Variants in ADGRV1 observed in about 807,000 individuals in gnomAD.
ADGRV1 encodes adhesion G protein-coupled receptor V1.
In ADGRV1, 359 loss-of-function variants were observed where a neutral mutation model predicts 596.2. The observed-to-expected ratio is 0.60, with a 90% confidence interval of 0.55 to 0.66. The LOEUF (loss-of-function observed/expected upper bound fraction) is 0.66, where lower values mean the gene tolerates loss of function less well. ADGRV1 is among the 30% of genes least tolerant of loss of function. The probability of loss-of-function intolerance (pLI) is 0.00; values close to 1 mark genes in which losing one functional copy is unlikely to be tolerated. For synonymous variants in ADGRV1, 2,681 were observed against 2,679.2 expected (o/e 1.00, Z -0.02); for missense variants, 7,274 against 7,575.6 (o/e 0.96, Z 1.48).
chr5:90,572,417 T>C (rs944963885), intron 1 of ADGRV1, among the ~76,000 whole-genome samples: 2 of 152,166 alleles, frequency 1.3e-5, no homozygotes, highest in African/African-American at 4.8e-5. Context: ...GAAGAATATG[T>C]CATCCATCCA....
At chr5:90,962,718 C>G (rs926090826) in intron 83 of ADGRV1, among the ~76,000 whole-genome samples, 1 of 152,144 alleles carries the variant, frequency 6.6e-6, no homozygotes, top group Non-Finnish European at 1.5e-5. Context: ...ATCTCCTGTA[C>G]AGACAGAAGC....
chr5:90,730,057 G>A (rs554708091), intron 50 of ADGRV1, among the ~76,000 whole-genome samples: 2 of 152,180 alleles, frequency 1.3e-5, no homozygotes, highest in African/African-American at 2.4e-5. Context: ...TAGTAGAGAC[G>A]GGGTTTCACC....
intron 1 of ADGRV1, among the ~76,000 whole-genome samples, chr5:90,568,064 A>G (rs183133801): frequency 1.7e-3 from 251 of 151,630 alleles, no homozygotes; most frequent in Non-Finnish European, 2.7e-3. Flanking sequence ...CAAAGAACCA[A>G]CTTTTACTTT....
chr5:90,641,489 A>T (rs1766963314), intron 11 of ADGRV1, among the ~76,000 whole-genome samples: 1 of 152,176 alleles, frequency 6.6e-6, no homozygotes, highest in African/African-American at 2.4e-5. Context: ...GGATATAAGA[A>T]ATTTTAATTA....
At chr5:91,122,370 T>TA (rs1359809251) in intron 87 of ADGRV1, among the ~76,000 whole-genome samples, 1 of 152,220 alleles carries the variant, frequency 6.6e-6, no homozygotes, top group Non-Finnish European at 1.5e-5. Context: ...ACAAGGGACT[T>TA]ACTCCTTCAG....
At chr5:90,924,373 G>A (rs1382184285) in intron 83 of ADGRV1, among the ~76,000 whole-genome samples, 1 of 151,970 alleles carries the variant, frequency 6.6e-6, no homozygotes. Context: ...GCATTTCTCT[G>A]ATGGCCAGTG....
chr5:90,812,581 G>A (rs1762537528), intron 74 of ADGRV1, among the ~76,000 whole-genome samples: 1 of 152,060 alleles, frequency 6.6e-6, no homozygotes, highest in Non-Finnish European at 1.5e-5. Flanking sequence ...ATATTTTTGA[G>A]ATTTGATGCT....
rs1479012015 is a variant in ADGRV1 at position 91,059,700 on chromosome 5, G to A, written c.18153-12747G>A. ...TCCCCATAAAGTGGATAAAATTTTA[G>A]CCTGTATTTCCTTTTAGTTTTACTT... On this transcript the variant is annotated intron_variant, in intron 85 of 89. Transcript: ENST00000405460. 3.3e-5 allele frequency among the ~76,000 whole-genome samples: 5 copies of A among 152,090 alleles called. No individual in the cohort carries two copies. The East Asian group carries it at 7.7e-4, about 23-fold the overall frequency.
At chr5:90,919,940 G>A (rs1773721337) in intron 83 of ADGRV1, among the ~76,000 whole-genome samples, 1 of 140,164 alleles carries the variant, frequency 7.1e-6, no homozygotes, top group South Asian at 2.2e-4. Context: ...GTTGTGATGA[G>A]CCAAGATCGT....
chr5:91,100,580 T>C (rs1408414692), intron 86 of ADGRV1, among the ~76,000 whole-genome samples: 1 of 152,156 alleles, frequency 6.6e-6, no homozygotes, highest in East Asian at 1.9e-4. Context: ...AATATATTAG[T>C]CTACATTAGA....
chr5:90,788,764 A>AT (rs1467331195), intron 68 of ADGRV1, among the ~76,000 whole-genome samples: 1 of 152,024 alleles, frequency 6.6e-6, no homozygotes, highest in East Asian at 1.9e-4. Flanking sequence ...GGGATGACCC[A>AT]TTTTTTTGAA....
chr5:90,962,346 G>T (rs1485474474), intron 83 of ADGRV1, among the ~76,000 whole-genome samples: 1 of 152,124 alleles, frequency 6.6e-6, no homozygotes, highest in African/African-American at 2.4e-5. Context: ...ATAAATCAAT[G>T]TATGAACAAC....
chr5:90,614,790 G>C, intron 1 of ADGRV1, 45 bp from the exon 2 acceptor site: 1 of 1,304,356 alleles, frequency 7.7e-7, no homozygotes, highest in Non-Finnish European at 1.1e-6. Flanking sequence ...AATGAGAATA[G>C]ATTAGATATA....
intron 50 of ADGRV1, among the ~76,000 whole-genome samples, chr5:90,739,363 A>G (rs1753666154): frequency 6.6e-6 from 1 of 152,158 alleles, no homozygotes; most frequent in African/African-American, 2.4e-5. Context: ...CTGATTTAAA[A>G]AAAATCCTTA....
At chr5:90,588,520 T>C (rs989522787) in intron 1 of ADGRV1, among the ~76,000 whole-genome samples, 4 of 152,174 alleles carry the variant, frequency 2.6e-5, no homozygotes, top group African/African-American at 9.7e-5. Flanking sequence ...TGAGTCTGAA[T>C]GTGGATGAAG....
At chr5:90,651,947 A>AC (rs1357465294) in intron 18 of ADGRV1, among the ~76,000 whole-genome samples, 114 of 148,618 alleles carry the variant, frequency 7.7e-4, no homozygotes, top group African/African-American at 2.5e-3. Flanking sequence ...TATTCTCCCC[A>AC]CCCCCCTCGT....
chr5:91,090,421 T>C (rs1472569155), intron 86 of ADGRV1, among the ~76,000 whole-genome samples: 3 of 152,102 alleles, frequency 2.0e-5, no homozygotes, highest in African/African-American at 7.2e-5. Context: ...CATTTTTTTT[T>C]CAACCCCAAT....
chr5:90,581,339 T>C (rs537451212), intron 1 of ADGRV1, among the ~76,000 whole-genome samples: 18 of 152,344 alleles, frequency 1.2e-4, no homozygotes, highest in African/African-American at 2.4e-4. Flanking sequence ...AGAGGTGCTC[T>C]AGTTTTTAGA....
intron 1 of ADGRV1, among the ~76,000 whole-genome samples, chr5:90,576,108 G>A (rs1389035394): frequency 6.6e-6 from 1 of 151,894 alleles, no homozygotes; most frequent in Non-Finnish European, 1.5e-5. Context: ...CTGCTTAAGG[G>A]TGGGATTCTA....
Sources: gnomAD v4.1 joint callset for allele counts (sites outside exome capture counted in the v4.1 genomes callset) on GRCh38, gnomAD v4.1.1 for gene constraint, MANE v1.5 for transcripts, NCBI Gene and HGNC (gene_info 2026-07-23, HGNC 2026-07-21) for gene names.